Variants in CTNNA3 observed in about 807,000 individuals in gnomAD.
CTNNA3 encodes catenin alpha 3.
In CTNNA3, 76 loss-of-function variants were observed where a neutral mutation model predicts 95.7. That is an observed-to-expected ratio of 0.79 (90% CI 0.66 to 0.96). CTNNA3 has a LOEUF of 0.96. Ranked by LOEUF, CTNNA3 falls within the 40% of genes least tolerant of loss-of-function variation. CTNNA3 has a pLI of 0.00. For synonymous variants in CTNNA3, 431 were observed against 374.4 expected (o/e 1.15, Z -1.74); for missense variants, 1,191 against 1,089.8 (o/e 1.09, Z -1.31).
At chr10:66,883,985 C>G (rs1156716719) in intron 7 of CTNNA3, among the ~76,000 whole-genome samples, 4 of 152,032 alleles carry the variant, frequency 2.6e-5, no homozygotes, top group Non-Finnish European at 5.9e-5. Flanking sequence ...GCATCTGCAT[C>G]TGGTGAAGGC....
intron 13 of CTNNA3, among the ~76,000 whole-genome samples, chr10:66,215,857 T>C (rs2088495895): frequency 6.6e-6 from 1 of 152,230 alleles, no homozygotes; most frequent in African/African-American, 2.4e-5. Context: ...CAATTGGCAT[T>C]AACAATTACA....
At chr10:66,126,026 T>C (rs1489202837) in intron 13 of CTNNA3, among the ~76,000 whole-genome samples, 1 of 152,210 alleles carries the variant, frequency 6.6e-6, no homozygotes, top group Non-Finnish European at 1.5e-5. Flanking sequence ...GCTAGGATCC[T>C]AGGAAAGAAT....
Position 65,955,737 on chromosome 10 carries a change from C to G in CTNNA3, c.2400+10875G>C, listed in dbSNP as rs916581118. ...CCAGCGTTTCATCCCAGGGATGAAG[C>G]CTACTTGATCATGGTGGATAAGCTT... On this transcript the variant is annotated intron_variant, in intron 17 of 17. Transcript: ENST00000433211. Among the ~76,000 whole-genome samples, 3 of 152,186 alleles carry G rather than the reference C, an allele frequency of 2.0e-5. No individual in the cohort carries two copies. In the East Asian group the frequency reaches 5.8e-4, roughly 29 times the overall value.
At chr10:67,401,405 A>C (rs2132807931) in intron 5 of CTNNA3, among the ~76,000 whole-genome samples, 1 of 152,334 alleles carries the variant, frequency 6.6e-6, no homozygotes, top group East Asian at 1.9e-4. Flanking sequence ...AAATCTTCAG[A>C]GAGAAACTAC....
At chr10:66,814,996 C>T (rs929200398) in intron 7 of CTNNA3, among the ~76,000 whole-genome samples, 16 of 151,592 alleles carry the variant, frequency 1.1e-4, no homozygotes, top group African/African-American at 3.6e-4. Context: ...GGACTACAGG[C>T]GCCTGCCACC....
intron 3 of CTNNA3, among the ~76,000 whole-genome samples, chr10:67,606,304 A>G (rs942523599): frequency 3.9e-5 from 6 of 152,202 alleles, no homozygotes; most frequent in Non-Finnish European, 8.8e-5. Flanking sequence ...TCATAAGTAA[A>G]GATCTCAAAA....
intron 16 of CTNNA3, among the ~76,000 whole-genome samples, chr10:65,985,059 GA>G (rs1271921342): frequency 6.6e-6 from 1 of 150,900 alleles, no homozygotes; most frequent in Non-Finnish European, 1.5e-5. Context: ...TTATTATTAG[GA>G]ATGTTATTAA....
chr10:67,485,692 TTA>T (rs1201222733), intron 5 of CTNNA3, among the ~76,000 whole-genome samples: 1 of 152,174 alleles, frequency 6.6e-6, no homozygotes, highest in Non-Finnish European at 1.5e-5. Context: ...GTAACAAGTG[TTA>T]ATCTCCCCTT....
chr10:67,128,027 G>A lies in CTNNA3; in HGVS notation c.1047+52290C>T, dbSNP rs558457576. ...ACTTAGCAAATGACACTAACCAATA[G>A]CTCAAGGTCAAAACTCTGGAGTCAT... On this transcript the variant is annotated intron_variant, in intron 7 of 17. Transcript: ENST00000433211. Among the ~76,000 whole-genome samples, 3 of 152,118 alleles carry A rather than the reference G, an allele frequency of 2.0e-5. No homozygotes were observed. In the South Asian group the frequency reaches 6.2e-4, roughly 32 times the overall value.
chr10:67,211,403 A>G (rs1301196203), intron 6 of CTNNA3, among the ~76,000 whole-genome samples: 1 of 152,162 alleles, frequency 6.6e-6, no homozygotes, highest in Non-Finnish European at 1.5e-5. Flanking sequence ...CCAAGAAGCC[A>G]AGAGCAAACA....
intron 7 of CTNNA3, chr10:67,052,763 C>A (rs1413920227): frequency 6.6e-6 from 1 of 151,890 alleles, no homozygotes; most frequent in Non-Finnish European, 1.5e-5. Context: ...AACAAACAAA[C>A]AAAGAAACAA....
chr10:66,326,235 G>A (rs1298905800), intron 12 of CTNNA3, among the ~76,000 whole-genome samples: 2 of 152,218 alleles, frequency 1.3e-5, no homozygotes, highest in Non-Finnish European at 2.9e-5. Flanking sequence ...AATGGGTAAA[G>A]TGAAGGACAC....
At chr10:67,576,487 G>A (rs1034981652) in intron 3 of CTNNA3, among the ~76,000 whole-genome samples, 3 of 151,812 alleles carry the variant, frequency 2.0e-5, no homozygotes, top group East Asian at 1.9e-4. Context: ...GTGGTACACG[G>A]TAAGCTTTCA....
At chr10:67,484,991 C>A (rs973903564) in intron 5 of CTNNA3, among the ~76,000 whole-genome samples, 1 of 152,124 alleles carries the variant, frequency 6.6e-6, no homozygotes, top group African/African-American at 2.4e-5. Context: ...GAAAATAAAT[C>A]ATTCTACCAA....
At chr10:66,459,532 C>T (rs1200908095) in intron 11 of CTNNA3, among the ~76,000 whole-genome samples, 1 of 152,186 alleles carries the variant, frequency 6.6e-6, no homozygotes, top group Admixed American at 6.6e-5. Context: ...CTCACCAGTA[C>T]TTTATTTTCT....
At chr10:67,350,354 G>T (rs1261874246) in intron 5 of CTNNA3, among the ~76,000 whole-genome samples, 1 of 152,016 alleles carries the variant, frequency 6.6e-6, no homozygotes, top group African/African-American at 2.4e-5. Context: ...AGGAGAGAAA[G>T]ATAGTTGGAG....
At chr10:66,088,727 A>G (rs1017823842) in intron 14 of CTNNA3, among the ~76,000 whole-genome samples, 15 of 152,108 alleles carry the variant, frequency 9.9e-5, no homozygotes, top group Non-Finnish European at 2.9e-5. Flanking sequence ...GACAATGGAT[A>G]TTAACAATCT....
At chr10:66,230,537 G>C (rs2089534556) in intron 13 of CTNNA3, among the ~76,000 whole-genome samples, 2 of 152,152 alleles carry the variant, frequency 1.3e-5, no homozygotes, top group South Asian at 4.1e-4. Context: ...GAGCTTTACT[G>C]GGGACAGGGA....
At chr10:66,043,034 T>C (rs1342001870) in intron 15 of CTNNA3, among the ~76,000 whole-genome samples, 1 of 147,694 alleles carries the variant, frequency 6.8e-6, no homozygotes, top group Admixed American at 6.8e-5. Context: ...GACCATCTAA[T>C]TACATTGAGG....
Sources: gnomAD v4.1 joint callset for allele counts (sites outside exome capture counted in the v4.1 genomes callset) on GRCh38, gnomAD v4.1.1 for gene constraint, MANE v1.5 for transcripts, NCBI Gene and HGNC (gene_info 2026-07-23, HGNC 2026-07-21) for gene names.